CCBE1: variants seen among roughly 807,000 people sequenced by gnomAD.
CCBE1 encodes the protein collagen and calcium binding EGF domains 1.
CCBE1 carries 37 observed loss-of-function variants against 50.0 expected under a neutral mutation model. The observed-to-expected ratio is 0.74, with a 90% CI of 0.57 to 0.97. The LOEUF is 0.97. Ranked by LOEUF, CCBE1 falls within the 50% of genes least tolerant of loss-of-function variation. The probability of loss-of-function intolerance (pLI) is 0.00; values close to 1 mark genes in which losing one functional copy is unlikely to be tolerated. For missense variants in CCBE1, 538 were observed against 523.8 expected, an observed-to-expected ratio of 1.03 and a Z score of -0.26; for synonymous variants, 234 against 203.7, an observed-to-expected ratio of 1.15 and a Z score of -1.27.
At chr18:59,458,166 A>T (rs1452082168) in intron 5 of CCBE1, among the ~76,000 whole-genome samples, 1,010 of 98,884 alleles carry the variant, frequency 0.01, 3 homozygotes, top group Non-Finnish European at 0.015. Context: ...CCATCCAACC[A>T]TCCATCCATC....
chr18:59,558,233 T>C (rs2052682208), intron 2 of CCBE1, among the ~76,000 whole-genome samples: 1 of 152,178 alleles, frequency 6.6e-6, no homozygotes, highest in Non-Finnish European at 1.5e-5. Context: ...ATGAACACAG[T>C]TTCTCTCAAT....
At chr18:59,663,670 C>G (rs1408570263) in intron 2 of CCBE1, among the ~76,000 whole-genome samples, 2 of 151,912 alleles carry the variant, frequency 1.3e-5, no homozygotes, top group Admixed American at 6.6e-5. Flanking sequence ...ACATGAGAGT[C>G]AGAAGGAAGA....
At chr18:59,613,647 C>A (rs1323895533) in intron 2 of CCBE1, among the ~76,000 whole-genome samples, 1 of 151,962 alleles carries the variant, frequency 6.6e-6, no homozygotes, top group African/African-American at 2.4e-5. Flanking sequence ...CGCCTGTAAT[C>A]CCAGCATTTT....
intron 5 of CCBE1, among the ~76,000 whole-genome samples, chr18:59,458,493 CATG>C (rs1911309196): frequency 6.6e-6 from 1 of 152,264 alleles, no homozygotes; most frequent in Admixed American, 6.5e-5. Context: ...TCAACAGCTT[CATG>C]ATAAGATAAA....
chr18:59,540,902 C>T (rs563469277), intron 2 of CCBE1, among the ~76,000 whole-genome samples: 1 of 152,184 alleles, frequency 6.6e-6, no homozygotes, highest in Non-Finnish European at 1.5e-5. Flanking sequence ...AAGAAACTAA[C>T]AGTGTCTGTC....
At chr18:59,695,261 G>A (rs2054790323) in intron 2 of CCBE1, among the ~76,000 whole-genome samples, 1 of 152,198 alleles carries the variant, frequency 6.6e-6, no homozygotes, top group Non-Finnish European at 1.5e-5. Flanking sequence ...GTGGTCGTGT[G>A]GATGAAAGAC....
At chr18:59,638,099 A>G (rs1223741809) in intron 2 of CCBE1, among the ~76,000 whole-genome samples, 2 of 152,236 alleles carry the variant, frequency 1.3e-5, no homozygotes, top group Admixed American at 1.3e-4. Flanking sequence ...CACCATGTAC[A>G]AGAAAAGTAA....
chr18:59,472,823 A>G (rs1290440942), intron 3 of CCBE1, among the ~76,000 whole-genome samples: 3 of 152,236 alleles, frequency 2.0e-5, no homozygotes, highest in African/African-American at 4.8e-5. Flanking sequence ...TGACTCACAG[A>G]TCCACATGGC....
At chr18:59,491,835 C>CAAACAAACAAACAAACA (rs71177029) in intron 2 of CCBE1, among the ~76,000 whole-genome samples, 3 of 148,626 alleles carry the variant, frequency 2.0e-5, no homozygotes, top group East Asian at 3.9e-4. Flanking sequence ...AACAAACAAA[C>CAAACAAACAAACAAACA]AAAAAAAAAC....
intron 2 of CCBE1, among the ~76,000 whole-genome samples, chr18:59,583,500 G>C (rs931524415): frequency 6.6e-6 from 1 of 152,148 alleles, no homozygotes; most frequent in Admixed American, 6.5e-5. Flanking sequence ...ATGAGAATGT[G>C]TTGCCCTTTG....
At chr18:59,469,634 T>C in intron 3 of CCBE1, 27 bp from the exon 4 acceptor site, 1 of 1,613,718 alleles carries the variant, frequency 6.2e-7, no homozygotes, top group Non-Finnish European at 8.5e-7. Context: ...AGAGCTCACA[T>C]CAACTACAGG....
intron 2 of CCBE1, among the ~76,000 whole-genome samples, chr18:59,694,060 C>A (rs180847030): frequency 6.6e-6 from 1 of 151,722 alleles, no homozygotes; most frequent in African/African-American, 2.4e-5. Flanking sequence ...TTAGTAGAGA[C>A]GGGGTTTTAT....
intron 2 of CCBE1, among the ~76,000 whole-genome samples, chr18:59,679,822 C>T (rs2054561352): frequency 6.6e-6 from 1 of 152,054 alleles, no homozygotes; most frequent in Non-Finnish European, 1.5e-5. Context: ...AGACATCAAC[C>T]GACATATGTA....
At chr18:59,499,267 A>T (rs1363392304) in intron 2 of CCBE1, among the ~76,000 whole-genome samples, 1 of 152,184 alleles carries the variant, frequency 6.6e-6, no homozygotes, top group Non-Finnish European at 1.5e-5. Flanking sequence ...ACTATAATAA[A>T]GTGAAGAATC....
chr18:59,455,686 T>C (rs906211349), intron 5 of CCBE1, among the ~76,000 whole-genome samples: 1 of 152,260 alleles, frequency 6.6e-6, no homozygotes, highest in Admixed American at 6.5e-5. Flanking sequence ...AATGGCCTAC[T>C]TAAGCCTGCA....
At chr18:59,526,703 G>A (rs1914836600) in intron 2 of CCBE1, among the ~76,000 whole-genome samples, 1 of 152,126 alleles carries the variant, frequency 6.6e-6, no homozygotes, top group Non-Finnish European at 1.5e-5. Flanking sequence ...ATTCTGGTAT[G>A]TTGTCTGTTT....
chr18:59,446,135 T>C (rs541641560), intron 7 of CCBE1, among the ~76,000 whole-genome samples: 65 of 152,314 alleles, frequency 4.3e-4, no homozygotes, highest in African/African-American at 1.5e-3. Flanking sequence ...GCCGGGTCTG[T>C]TGCAAAAGCT....
chr18:59,476,855 A>G (rs1449572119), intron 3 of CCBE1, among the ~76,000 whole-genome samples: 1 of 152,228 alleles, frequency 6.6e-6, no homozygotes, highest in Non-Finnish European at 1.5e-5. Context: ...TCAGTATCCA[A>G]CATATGGTAT....
intron 2 of CCBE1, among the ~76,000 whole-genome samples, chr18:59,673,006 T>TAA (rs145844496): frequency 2.7e-5 from 4 of 149,662 alleles, no homozygotes; most frequent in African/African-American, 9.8e-5. Flanking sequence ...CCTATGGAAA[T>TAA]AAAAAAAAAA....
Sources: gnomAD v4.1 joint callset for allele counts (sites outside exome capture counted in the v4.1 genomes callset) on GRCh38, gnomAD v4.1.1 for gene constraint, MANE v1.5 for transcripts, NCBI Gene and HGNC (gene_info 2026-07-23, HGNC 2026-07-21) for gene names.